DYM: variants seen among roughly 807,000 people sequenced by gnomAD.
DYM encodes the protein dyggve-Melchior-Clausen syndrome protein.
Under a neutral mutation model 93.1 loss-of-function variants are expected in DYM, and 78 were observed. The ratio of observed to expected loss-of-function variants is 0.84; its 90% confidence interval spans 0.70 to 1.01. The LOEUF is 1.01. Among genes scored for constraint, DYM ranks in the 50% least tolerant of loss-of-function variants. The probability of loss-of-function intolerance (pLI) is 0.00; values close to 1 mark genes in which losing one functional copy is unlikely to be tolerated. For missense variants in DYM, 789 were observed against 845.0 expected (o/e 0.93, Z 0.82); for synonymous variants, 321 against 319.7 (o/e 1.00, Z -0.04).
intron 13 of DYM, among the ~76,000 whole-genome samples, chr18:49,243,666 C>CA (rs59748721): frequency 0.52 from 59,391 of 113,972 alleles, 14,663 homozygotes; most frequent in Admixed American, 0.6. Context: ...GGCTCTGTCT[C>CA]AAAAAAAAAA....
At chr18:49,291,923 A>G (rs1230720097) in intron 8 of DYM, among the ~76,000 whole-genome samples, 2 of 152,160 alleles carry the variant, frequency 1.3e-5, no homozygotes, top group Non-Finnish European at 2.9e-5. Context: ...AAACATTTAA[A>G]GCCATTTTCT....
intron 13 of DYM, among the ~76,000 whole-genome samples, chr18:49,219,729 A>G (rs1277649509): frequency 3.9e-5 from 6 of 152,114 alleles, no homozygotes; most frequent in African/African-American, 7.2e-5. Context: ...AAAACTCTCA[A>G]TAAATTAGGT....
Position 49,258,445 on chromosome 18 carries a change from A to G in DYM, c.1300T>C (p.Ser434Pro), listed in dbSNP as rs1281514710. The change falls in exon 12 of 18, where the codon TCC becomes CCC. Residue 434 changes from serine to proline, a missense_variant. Coordinates refer to ENST00000675505, the MANE Select transcript of DYM (RefSeq NM_001353214.3). The part of the protein sequence containing the change: ...WYSERVLTEI[S>P]LGSLLILVVI... ...ACCAGGATCAGGAGACTCCCCAAGG[A>G]GATTTCAGTTAAAACTCGTTCTGAA... The G allele has an allele frequency of 6.8e-6, 11 of 1,613,692 alleles. No homozygotes were observed. Among genetic ancestry groups the G allele is most frequent in the Non-Finnish European group, 9.3e-6 (11 of 1,179,600 alleles).
At chr18:49,289,758 T>TACAC (rs1232919148) in intron 8 of DYM, among the ~76,000 whole-genome samples, 553 of 37,954 alleles carry the variant, frequency 0.015, 3 homozygotes, top group South Asian at 0.024. Context: ...TATATATATA[T>TACAC]ATATATATAT....
intron 15 of DYM, among the ~76,000 whole-genome samples, chr18:49,142,733 A>C (rs2084665044): frequency 6.6e-6 from 1 of 152,158 alleles, no homozygotes; most frequent in Non-Finnish European, 1.5e-5. Flanking sequence ...TAAAATTTTC[A>C]AGTTACTTAC....
chr18:49,353,518 T>C (rs560617208), intron 6 of DYM, among the ~76,000 whole-genome samples: 1 of 152,112 alleles, frequency 6.6e-6, no homozygotes, highest in South Asian at 2.1e-4. Context: ...TTACTGCCTA[T>C]ATTTGAAGGA....
intron 16 of DYM, among the ~76,000 whole-genome samples, chr18:49,110,574 C>T (rs1033994855): frequency 1.3e-5 from 2 of 151,980 alleles, no homozygotes; most frequent in African/African-American, 4.8e-5. Context: ...ACTGCTGTTA[C>T]TATCTTTGTT....
intron 1 of DYM, among the ~76,000 whole-genome samples, chr18:49,456,382 G>A (rs574386385): frequency 6.6e-6 from 1 of 152,258 alleles, no homozygotes; most frequent in South Asian, 2.1e-4. Flanking sequence ...GGTTTTCAAA[G>A]TATTCTGGGT....
chr18:49,406,186 ATTTGAGTACC>A lies in DYM; in HGVS notation c.141-14551_141-14542del, dbSNP rs137974507. ...AGATGGTTTGACTTCTTCTTTTCCT[ATTTGAGTACC>A]TTTTATTTCTTTCTCTTGCCTGATT... is the stretch of plus-strand genomic sequence containing the variant. On this transcript the variant is annotated intron_variant, in intron 2 of 17. Transcript: ENST00000675505. Among the ~76,000 whole-genome samples, 528 of 152,296 alleles carry A rather than the reference ATTTGAGTACC, an allele frequency of 3.5e-3. 4 individuals are homozygous for A. Among genetic ancestry groups the A allele is most frequent in the African/African-American group, 0.012 (489 of 41,570 alleles).
intron 1 of DYM, among the ~76,000 whole-genome samples, chr18:49,433,861 C>G (rs1298300027): frequency 1.3e-5 from 2 of 151,870 alleles, no homozygotes; most frequent in African/African-American, 4.8e-5. Flanking sequence ...GAGTGAAACT[C>G]TGTCTCAAAT....
chr18:49,044,042 G>C lies in DYM; in HGVS notation c.*13C>G. The C allele has an allele frequency of 6.2e-7, 1 of 1,612,746 alleles. No homozygotes were observed. The highest frequency in any genetic ancestry group is 1.1e-5 in the South Asian group (1 of 91,004). ...CTTGGCTGGAGGGGTCCGGGTGGGA[G>C]AGCATCCTGCCCTCAGTCGGAATCC... On this transcript the variant is annotated 3_prime_UTR_variant, in exon 18 of 18. Transcript: ENST00000675505.
At chr18:49,266,070 G>A (rs2094565536) in intron 11 of DYM, among the ~76,000 whole-genome samples, 1 of 151,870 alleles carries the variant, frequency 6.6e-6, no homozygotes, top group Admixed American at 6.6e-5. Context: ...TGAGGCACGA[G>A]AATTGCGTAA....
chr18:49,435,423 T>A (rs1176605318), intron 1 of DYM, among the ~76,000 whole-genome samples: 72 of 124,644 alleles, frequency 5.8e-4, no homozygotes, highest in Non-Finnish European at 8.1e-4. Flanking sequence ...ACTAAAACAG[T>A]AAAAAAAAAA....
At chr18:49,393,801 A>G (rs1273847859) in intron 2 of DYM, 1 of 152,056 alleles carries the variant, frequency 6.6e-6, no homozygotes, top group East Asian at 1.9e-4. Flanking sequence ...ATAAATAAAT[A>G]AAAATAAAAT....
chr18:49,184,326 A>C (rs1349365475), intron 14 of DYM, among the ~76,000 whole-genome samples: 1 of 152,092 alleles, frequency 6.6e-6, no homozygotes, highest in East Asian at 1.9e-4. Flanking sequence ...TCCTTAGCCA[A>C]GGCCACAACT....
Position 49,383,031 on chromosome 18 carries a change from G to A in DYM, c.194-3273C>T, listed in dbSNP as rs531982497. On this transcript the variant is annotated intron_variant, in intron 3 of 17. Coordinates refer to ENST00000675505, the MANE Select transcript of DYM (RefSeq NM_001353214.3). The stretch of plus-strand genomic sequence containing the variant: ...AGGAGAGAGGACAAGATGACCCCAC[G>A]CAAGGATACAATGAACAAAATCTAC... Among the ~76,000 whole-genome samples, 105 of 152,162 alleles carry A rather than the reference G, an allele frequency of 6.9e-4. 2 individuals are homozygous for A. The South Asian group carries it at 0.021, about 30-fold the overall frequency.
chr18:49,346,006 C>A (rs930096022), intron 6 of DYM, among the ~76,000 whole-genome samples: 1 of 152,128 alleles, frequency 6.6e-6, no homozygotes, highest in African/African-American at 2.4e-5. Context: ...TGTGGAGAAA[C>A]TGAAACCCTC....
chr18:49,047,686 C>T (rs1262193080), intron 17 of DYM, among the ~76,000 whole-genome samples: 1 of 152,098 alleles, frequency 6.6e-6, no homozygotes, highest in Non-Finnish European at 1.5e-5. Flanking sequence ...AGTTTGGGAG[C>T]CTCCTCATAC....
chr18:49,331,223 T>C (rs2063284551), intron 8 of DYM, among the ~76,000 whole-genome samples: 1 of 152,232 alleles, frequency 6.6e-6, no homozygotes. Flanking sequence ...TTCATTTATA[T>C]AACTTCACAT....
Sources: allele counts gnomAD v4.1 joint callset (sites outside exome capture counted in the v4.1 genomes callset), GRCh38; gene constraint gnomAD v4.1.1; transcripts MANE v1.5; gene names NCBI Gene and HGNC (gene_info 2026-07-23, HGNC 2026-07-21).